Variants in SLC24A2 observed in about 807,000 individuals in gnomAD.
SLC24A2 encodes the protein sodium/potassium/calcium exchanger 2.
SLC24A2 carries 36 observed loss-of-function variants against 62.0 expected under a neutral mutation model. The observed-to-expected ratio is 0.58, with a 90% CI of 0.44 to 0.77. The LOEUF is 0.77. Among genes scored for constraint, SLC24A2 ranks in the 30% least tolerant of loss-of-function variants. The pLI, the probability that SLC24A2 is intolerant of heterozygous loss-of-function variation, is 0.00. For missense variants in SLC24A2, 846 were observed against 817.9 expected (o/e 1.03, Z -0.42); for synonymous variants, 358 against 294.0 (o/e 1.22, Z -2.23).
At position 19,562,620 on chromosome 9, in the gene SLC24A2, C is replaced by T. The variant is rs947755145; in HGVS notation, c.1347+10731G>A. Among the ~76,000 whole-genome samples the T allele has an allele frequency of 7.2e-5, 11 of 151,926 alleles. 1 individual carries two copies. Among genetic ancestry groups the T allele is most frequent in the Admixed American group, 6.6e-4 (10 of 15,266 alleles). On this transcript the variant is annotated intron_variant, in intron 7 of 10. Transcript: ENST00000341998. ...TACAGGAACTGGACCCCAGTTTTTC[C>T]TAAAAAAATATGTATGTACAGATGA...
At chr9:19,806,115 T>C in the SLC24A2 span, among the ~76,000 whole-genome samples, 1 of 152,170 alleles carries the variant, frequency 6.6e-6, no homozygotes, top group Non-Finnish European at 1.5e-5. Context: ...GTTAATTTTA[T>C]TTTAAAAATA....
chr9:20,170,547 G>GA, the SLC24A2 span, among the ~76,000 whole-genome samples: 1 of 151,954 alleles, frequency 6.6e-6, no homozygotes, highest in African/African-American at 2.4e-5. Context: ...AGTTTTGGGG[G>GA]AAAAATGGGT....
At chr9:19,577,679 C>A (rs771209203) in intron 5 of SLC24A2, among the ~76,000 whole-genome samples, 6 of 152,042 alleles carry the variant, frequency 3.9e-5, no homozygotes, top group Non-Finnish European at 8.8e-5. Flanking sequence ...GAAGGATCAA[C>A]TGAGTGCAGC....
At chr9:20,031,303 T>C in the SLC24A2 span, among the ~76,000 whole-genome samples, 1 of 148,128 alleles carries the variant, frequency 6.8e-6, no homozygotes, top group East Asian at 2.0e-4. Context: ...ATATAAAATA[T>C]ATTTCTCTTT....
the SLC24A2 span, among the ~76,000 whole-genome samples, chr9:20,028,102 G>A: frequency 6.6e-6 from 1 of 152,324 alleles, no homozygotes; most frequent in East Asian, 1.9e-4. Flanking sequence ...TTGTAATGAT[G>A]AGTAGCAAAG....
chr9:19,590,212 A>G (rs1318763742), intron 5 of SLC24A2, among the ~76,000 whole-genome samples: 1 of 152,170 alleles, frequency 6.6e-6, no homozygotes, highest in African/African-American at 2.4e-5. Context: ...ACTACATGCT[A>G]CATCCTCGTT....
At chr9:20,226,771 A>C in the SLC24A2 span, among the ~76,000 whole-genome samples, 2 of 152,172 alleles carry the variant, frequency 1.3e-5, no homozygotes, top group Non-Finnish European at 2.9e-5. Context: ...ATGTTTACAT[A>C]TTGCATGGGC....
At chr9:19,725,097 CT>C (rs779873350) in intron 2 of SLC24A2, among the ~76,000 whole-genome samples, 4 of 152,084 alleles carry the variant, frequency 2.6e-5, no homozygotes, top group Non-Finnish European at 5.9e-5. Flanking sequence ...TTTTGTACCC[CT>C]AGAGGCATTT....
chr9:19,801,493 T>C, the SLC24A2 span, among the ~76,000 whole-genome samples: 1 of 152,028 alleles, frequency 6.6e-6, no homozygotes, highest in South Asian at 2.1e-4. Flanking sequence ...CAGAAGAGTG[T>C]AGTTGCAAGA....
chr9:19,763,196 T>C (rs995735747), intron 2 of SLC24A2, among the ~76,000 whole-genome samples: 9 of 152,242 alleles, frequency 5.9e-5, no homozygotes, highest in Admixed American at 5.9e-4. Flanking sequence ...AAGTTGTTTA[T>C]CAGCTTAAGG....
chr9:19,834,151 C>T, the SLC24A2 span, among the ~76,000 whole-genome samples: 2 of 152,212 alleles, frequency 1.3e-5, no homozygotes, highest in East Asian at 1.9e-4. Context: ...AAACTGGAAA[C>T]TCTAAAAATC....
At chr9:19,885,635 C>T in the SLC24A2 span, among the ~76,000 whole-genome samples, 1 of 152,004 alleles carries the variant, frequency 6.6e-6, no homozygotes, top group African/African-American at 2.4e-5. Flanking sequence ...GGTACATGTA[C>T]AGGGTTGGTT....
the SLC24A2 span, among the ~76,000 whole-genome samples, chr9:20,237,713 T>C: frequency 6.6e-6 from 1 of 152,214 alleles, no homozygotes; most frequent in African/African-American, 2.4e-5. Flanking sequence ...TAGTAAGACT[T>C]GATCTGAGCA....
the SLC24A2 span, among the ~76,000 whole-genome samples, chr9:20,179,397 C>T: frequency 3.3e-4 from 50 of 152,072 alleles, no homozygotes; most frequent in South Asian, 1.7e-3. Context: ...TCCTGGTGTA[C>T]GGACAGGTGG....
chr9:20,061,902 G>A, the SLC24A2 span, among the ~76,000 whole-genome samples: 2 of 152,054 alleles, frequency 1.3e-5, no homozygotes, highest in African/African-American at 4.8e-5. Context: ...GCAACCCACG[G>A]AGTGGATGAA....
chr9:20,044,419 G>A, the SLC24A2 span, among the ~76,000 whole-genome samples: 5 of 152,036 alleles, frequency 3.3e-5, no homozygotes, highest in South Asian at 2.1e-4. Flanking sequence ...CAGGATCCCC[G>A]AACCACCATG....
At chr9:19,832,984 GA>G in the SLC24A2 span, among the ~76,000 whole-genome samples, 1 of 152,098 alleles carries the variant, frequency 6.6e-6, no homozygotes, top group Non-Finnish European at 1.5e-5. Context: ...AAAGACACAT[GA>G]AAAAATGCTC....
chr9:20,151,000 A>C, the SLC24A2 span, among the ~76,000 whole-genome samples: 245 of 152,064 alleles, frequency 1.6e-3, 1 homozygote, highest in African/African-American at 5.8e-3. Flanking sequence ...ATCCCAAACC[A>C]GCCAGCTTTA....
chr9:20,210,661 T>C, the SLC24A2 span, among the ~76,000 whole-genome samples: 7 of 120,612 alleles, frequency 5.8e-5, no homozygotes, highest in African/African-American at 1.7e-4. Flanking sequence ...TTTTTTTTTT[T>C]TTTTTTTTTT....
Sources: allele counts gnomAD v4.1 joint callset (sites outside exome capture counted in the v4.1 genomes callset), GRCh38; gene constraint gnomAD v4.1.1; transcripts MANE v1.5; gene names NCBI Gene and HGNC (gene_info 2026-07-23, HGNC 2026-07-21).